SLC25A6: variants seen among roughly 807,000 people sequenced by gnomAD.
The protein encoded by SLC25A6 is ADP/ATP translocase 3.
SLC25A6 carries 9 observed loss-of-function variants against 25.7 expected under a neutral mutation model. The ratio of observed to expected loss-of-function variants is 0.35; its 90% confidence interval spans 0.21 to 0.61. SLC25A6 has a LOEUF of 0.61. SLC25A6 is among the 20% of genes least tolerant of loss of function. SLC25A6 has a pLI of 0.76. For missense variants in SLC25A6, 404 were observed against 440.5 expected (o/e 0.92, Z 0.74); for synonymous variants, 223 against 197.0 (o/e 1.13, Z -1.11).
At chrX:1,389,186 G>T (rs2089367752) in intron 2 of SLC25A6, 55 bp downstream of exon 2, 2 of 1,571,612 alleles carry the variant, frequency 1.3e-6, no homozygotes, top group South Asian at 2.3e-5. Context: ...GACCCTGGGG[G>T]AACGTCTGTG....
intron 1 of SLC25A6, among the ~76,000 whole-genome samples, chrX:1,391,529 G>C (rs1401730484): frequency 3.3e-5 from 5 of 152,232 alleles, no homozygotes; most frequent in Non-Finnish European, 7.3e-5. Flanking sequence ...GAGGGAGCAA[G>C]AGCAGACACC....
rs1369618113 is a variant in SLC25A6, at chrX:1,389,474, G to A, written c.365C>T (p.Ala122Val). The A allele has an allele frequency of 2.5e-5, 41 of 1,613,908 alleles. No individual in the cohort carries two copies. Among genetic ancestry groups the A allele is most frequent in the South Asian group, 3.3e-5 (3 of 91,086 alleles). ...GAAGCAGAGGGAGGTCGCGCCGGCC[G>A]CACCGCCGGAGGCCAGGTTGCCCGC... The part of the protein sequence containing the change: ...YFAGNLASGG[A>V]AGATSLCFVY... The change falls in exon 2 of 4, where the codon GCG becomes GTG. Residue 122 changes from alanine to valine, a missense_variant. Physicochemically the swap from Ala to Val is moderately conservative, Grantham distance 64. Coordinates refer to ENST00000381401, the MANE Select transcript of SLC25A6 (RefSeq NM_001636.4).
chrX:1,388,813 G>A (rs1341109557), intron 2 of SLC25A6, among the ~76,000 whole-genome samples: 13 of 151,478 alleles, frequency 8.6e-5, no homozygotes, highest in Admixed American at 3.3e-4. Context: ...GAGGAGATGA[G>A]GACACAGACA....
rs769392872 is a variant in SLC25A6 at position 1,392,018 on chromosome X, G to A, written c.-9C>T. Reference sequence around the variant, plus strand: ...ATGGCCTGTTCCGTCATGGTGGCAGGGCGGGCAGCGGAACGGGAGGACAGC... The same window carrying A: ...ATGGCCTGTTCCGTCATGGTGGCAGAGCGGGCAGCGGAACGGGAGGACAGC... On this transcript the variant is annotated 5_prime_UTR_variant, in exon 1 of 4. Coordinates refer to ENST00000381401, the MANE Select transcript of SLC25A6 (RefSeq NM_001636.4). 91 of 1,595,930 alleles carry A rather than the reference G, an allele frequency of 5.7e-5. No individual in the cohort carries two copies. Among genetic ancestry groups the A allele is most frequent in the Non-Finnish European group, 7.5e-5 (88 of 1,170,488 alleles).
intron 3 of SLC25A6, 46 bp from the exon 4 acceptor site, chrX:1,386,805 A>G (rs762807709): frequency 5.0e-6 from 8 of 1,584,546 alleles, no homozygotes; most frequent in Non-Finnish European, 6.0e-6. Context: ...CAAGCTCTTC[A>G]AGACACGGAC....
Position 1,386,421 on chromosome X carries a change from C to T in SLC25A6, c.*181G>A, listed in dbSNP as rs1352254424. 9 of 773,810 alleles carry T rather than the reference C, an allele frequency of 1.2e-5. No individual in the cohort carries two copies. The highest frequency in any genetic ancestry group is 9.0e-5 in the African/African-American group (5 of 55,406). 47.9% of individuals were successfully genotyped at this position (773,810 alleles called of 1,614,324 possible). ...GTGATCAAGACACGGAATCGGCTGC[C>T]GATGGTTGGATCGCAATGCGCCCCT... On this transcript the variant is annotated 3_prime_UTR_variant, in exon 4 of 4. Transcript: ENST00000381401.
intron 1 of SLC25A6, 137 bp from the exon 2 acceptor site, chrX:1,389,864 T>A: frequency 7.0e-7 from 1 of 1,438,184 alleles, no homozygotes; most frequent in Non-Finnish European, 9.3e-7. Context: ...ATCAAGTGAT[T>A]CTCCTGTCTC....
intron 1 of SLC25A6, 121 bp downstream of exon 1, chrX:1,391,778 G>A (rs1205007824): frequency 5.7e-6 from 4 of 704,314 alleles, no homozygotes; most frequent in Admixed American, 5.5e-5. Context: ...CGTGGACAAA[G>A]CGATCGCGGC....
chrX:1,390,594 G>T (rs763817808), intron 1 of SLC25A6, among the ~76,000 whole-genome samples: 8 of 150,364 alleles, frequency 5.3e-5, no homozygotes, highest in South Asian at 2.1e-4. Context: ...AAAAAAAAAG[G>T]TTTTTTTAAG....
chrX:1,386,455 G>T lies in SLC25A6; in HGVS notation c.*147C>A, dbSNP rs1347993512. 2.7e-6 allele frequency: 3 copies of T among 1,098,702 alleles called. No individual in the cohort carries two copies. The highest frequency in any genetic ancestry group is 3.1e-5 in the Admixed American group (1 of 31,880). 68.1% of individuals were successfully genotyped at this position (1,098,702 alleles called of 1,614,324 possible). ...GATCGCAATGCGCCCCTTTTCTAGA[G>T]CCTTCCCCGGCCATCTACAGGCAGG... is the stretch of plus-strand genomic sequence containing the variant. On this transcript the variant is annotated 3_prime_UTR_variant, in exon 4 of 4. Transcript: ENST00000381401.
intron 1 of SLC25A6, among the ~76,000 whole-genome samples, chrX:1,390,748 C>T (rs1380449094): frequency 3.0e-4 from 45 of 148,836 alleles, no homozygotes; most frequent in African/African-American, 1.0e-3. Flanking sequence ...TGGTCTCAAA[C>T]TCCTGGGCTC....
In SLC25A6 at chrX:1,386,269, T is replaced by G; in HGVS notation, c.*333A>C. 3.4e-6 allele frequency: 1 copy of G among 296,434 alleles called. No homozygotes were observed. The highest frequency in any genetic ancestry group is 1.5e-4 in the South Asian group (1 of 6,874). 18.4% of individuals were successfully genotyped at this position (296,434 alleles called of 1,614,324 possible). ...CTGAAGTACAAATGGGAAAACGTGATTCTTTTGTTTTAAATAAATACTTAG... is the reference window on the plus strand; with the variant it reads ...CTGAAGTACAAATGGGAAAACGTGAGTCTTTTGTTTTAAATAAATACTTAG... On this transcript the variant is annotated 3_prime_UTR_variant, in exon 4 of 4. Coordinates refer to ENST00000381401, the MANE Select transcript of SLC25A6 (RefSeq NM_001636.4).
intron 2 of SLC25A6, 67 bp from the exon 3 acceptor site, chrX:1,387,486 C>A: frequency 1.3e-6 from 2 of 1,591,898 alleles, no homozygotes; most frequent in Non-Finnish European, 1.7e-6. Flanking sequence ...GGTCGGCCCC[C>A]AGGGTGTGCT....
intron 1 of SLC25A6, chrX:1,390,047 T>C (rs751047448): frequency 1.6e-5 from 7 of 442,010 alleles, no homozygotes; most frequent in Non-Finnish European, 2.5e-5. Context: ...GGTCTCATGC[T>C]GTTACCCGGG....
intron 3 of SLC25A6, among the ~76,000 whole-genome samples, 197 bp downstream of exon 3, chrX:1,387,082 A>C (rs1327351570): frequency 6.6e-6 from 1 of 152,104 alleles, no homozygotes; most frequent in Non-Finnish European, 1.5e-5. Context: ...TGCCGCCCGG[A>C]CCATGAAACC....
At chrX:1,389,906 C>T (rs2089379447) in intron 1 of SLC25A6, among the ~76,000 whole-genome samples, 179 bp from the exon 2 acceptor site, 1 of 152,026 alleles carries the variant, frequency 6.6e-6, no homozygotes, top group Non-Finnish European at 1.5e-5. Flanking sequence ...TATAGGCGCC[C>T]ACCACCACGC....
chrX:1,389,882 C>G (rs1358142216), intron 1 of SLC25A6, among the ~76,000 whole-genome samples, 155 bp from the exon 2 acceptor site: 1 of 151,954 alleles, frequency 6.6e-6, no homozygotes, highest in Non-Finnish European at 1.5e-5. Context: ...CTCAGCCTCC[C>G]GAGTAGCTGG....
chrX:1,391,374 G>C (rs1383690232), intron 1 of SLC25A6, among the ~76,000 whole-genome samples: 2 of 152,136 alleles, frequency 1.3e-5, no homozygotes, highest in East Asian at 1.9e-4. Flanking sequence ...TCTCCCAAAA[G>C]ACAAAAAATG....
chrX:1,391,213 G>C (rs1454340897), intron 1 of SLC25A6, among the ~76,000 whole-genome samples: 4 of 151,984 alleles, frequency 2.6e-5, no homozygotes, highest in African/African-American at 9.7e-5. Flanking sequence ...AATACTCCCC[G>C]GGCCTCTCAA....
Sources: allele counts gnomAD v4.1 joint callset (sites outside exome capture counted in the v4.1 genomes callset), GRCh38; gene constraint gnomAD v4.1.1; transcripts MANE v1.5; gene names NCBI Gene and HGNC (gene_info 2026-07-23, HGNC 2026-07-21).